The following PRELID2 variants were observed in gnomAD, a reference collection of about 807,000 sequenced individuals.
PRELID2 encodes the protein PRELI domain-containing protein 2.
A neutral mutation model predicts 28.4 loss-of-function variants in PRELID2; 25 were observed. The ratio of observed to expected loss-of-function variants is 0.88; its 90% CI spans 0.64 to 1.23. The LOEUF (loss-of-function observed/expected upper bound fraction) is 1.23. Ranked by LOEUF, PRELID2 falls within the 50% of genes most tolerant of loss-of-function variation. The pLI is 0.00. For synonymous variants in PRELID2, 76 were observed against 71.6 expected (o/e 1.06, Z -0.31); for missense variants, 201 against 214.4 (o/e 0.94, Z 0.39).
intron 1 of PRELID2, among the ~76,000 whole-genome samples, chr5:145,495,471 G>C (rs1207402736): frequency 6.6e-6 from 1 of 152,128 alleles, no homozygotes; most frequent in Non-Finnish European, 1.5e-5. Flanking sequence ...TCTCATCTTG[G>C]CATTAAATAA....
chr5:145,769,661 T>C (rs929564769), intron 5 of PRELID2, among the ~76,000 whole-genome samples: 6 of 152,100 alleles, frequency 3.9e-5, no homozygotes, highest in African/African-American at 1.4e-4. Flanking sequence ...CAATTATCAG[T>C]GATAAAAGAT....
At chr5:145,350,165 A>G in the PRELID2 span, among the ~76,000 whole-genome samples, 1 of 152,220 alleles carries the variant, frequency 6.6e-6, no homozygotes, top group Admixed American at 6.5e-5. Context: ...ATGTGCATCA[A>G]ATAAGATAAA....
chr5:145,374,835 T>A, the PRELID2 span, among the ~76,000 whole-genome samples: 3 of 152,172 alleles, frequency 2.0e-5, no homozygotes. Flanking sequence ...CTCCATCAGG[T>A]CATTTATGTT....
intron 1 of PRELID2, among the ~76,000 whole-genome samples, chr5:145,742,322 A>C (rs1240674338): frequency 1.4e-5 from 1 of 71,842 alleles, no homozygotes; most frequent in East Asian, 6.5e-4. Flanking sequence ...AAATAAAAAT[A>C]GATATATTTT....
At chr5:145,743,925 C>T (rs546560297) in intron 1 of PRELID2, among the ~76,000 whole-genome samples, 2 of 152,250 alleles carry the variant, frequency 1.3e-5, no homozygotes, top group South Asian at 2.1e-4. Flanking sequence ...ACACGCTAAG[C>T]TCCCTGGGCC....
the PRELID2 span, among the ~76,000 whole-genome samples, chr5:145,351,712 T>C: frequency 1.2e-4 from 19 of 152,184 alleles, no homozygotes; most frequent in Non-Finnish European, 2.4e-4. Context: ...AGGTCTCATC[T>C]GAGGCAAGAC....
chr5:145,240,788 T>A, the PRELID2 span, among the ~76,000 whole-genome samples: 11 of 152,046 alleles, frequency 7.2e-5, no homozygotes, highest in Non-Finnish European at 1.2e-4. Flanking sequence ...GGTGTTATGA[T>A]CTTATAAGCT....
intron 4 of PRELID2, among the ~76,000 whole-genome samples, chr5:145,806,429 A>G (rs1054849952): frequency 3.9e-5 from 6 of 152,204 alleles, no homozygotes; most frequent in Admixed American, 6.5e-5. Context: ...CCCACTGGAA[A>G]GTCTTCAGGG....
the PRELID2 span, among the ~76,000 whole-genome samples, chr5:145,314,604 GAAC>G: frequency 6.6e-6 from 1 of 151,342 alleles, no homozygotes; most frequent in African/African-American, 2.4e-5. Context: ...TTAAAATACA[GAAC>G]AATATAAATA....
At chr5:145,353,091 G>A in the PRELID2 span, among the ~76,000 whole-genome samples, 1 of 151,978 alleles carries the variant, frequency 6.6e-6, no homozygotes, top group East Asian at 1.9e-4. Flanking sequence ...TACATTTTCA[G>A]GCATCTTTAT....
At chr5:145,299,686 TA>T in the PRELID2 span, among the ~76,000 whole-genome samples, 3 of 147,076 alleles carry the variant, frequency 2.0e-5, no homozygotes, top group Non-Finnish European at 3.0e-5. Context: ...TAATATAAAA[TA>T]AGATTTTATG....
intron 6 of PRELID2, among the ~76,000 whole-genome samples, chr5:145,762,451 T>C (rs1170757590): frequency 2.0e-5 from 3 of 151,920 alleles, no homozygotes; most frequent in African/African-American, 7.2e-5. Context: ...GTGTGAGGAT[T>C]GCTTGAACCC....
the PRELID2 span, among the ~76,000 whole-genome samples, chr5:145,295,528 T>C: frequency 6.6e-5 from 10 of 152,032 alleles, no homozygotes; most frequent in Non-Finnish European, 7.4e-5. Flanking sequence ...ATGATCCAAG[T>C]GTTGATATAG....
At chr5:145,399,894 C>G in the PRELID2 span, among the ~76,000 whole-genome samples, 3 of 152,144 alleles carry the variant, frequency 2.0e-5, no homozygotes, top group African/African-American at 7.2e-5. Context: ...CCTCATGAGA[C>G]TTTTTCACTG....
intron 1 of PRELID2, among the ~76,000 whole-genome samples, chr5:145,678,541 TAA>T (rs1456693804): frequency 6.6e-6 from 1 of 152,202 alleles, no homozygotes; most frequent in Admixed American, 6.5e-5. Flanking sequence ...GCTAAATATG[TAA>T]GTCATTCAGT....
chr5:145,542,739 A>T (rs1314211821), intron 1 of PRELID2, among the ~76,000 whole-genome samples: 1 of 135,470 alleles, frequency 7.4e-6, no homozygotes, highest in African/African-American at 2.7e-5. Flanking sequence ...AATGATAAAT[A>T]TACATTGTAA....
chr5:145,319,471 C>T, the PRELID2 span, among the ~76,000 whole-genome samples: 1 of 151,982 alleles, frequency 6.6e-6, no homozygotes, highest in Admixed American at 6.6e-5. Context: ...GAGTTTGAGA[C>T]CAGCCTGGCC....
chr5:145,564,548 AG>A (rs1191803996), intron 1 of PRELID2, among the ~76,000 whole-genome samples: 1 of 152,198 alleles, frequency 6.6e-6, no homozygotes, highest in African/African-American at 2.4e-5. Context: ...CTTTCATCAA[AG>A]CAGAACCCTC....
chr5:145,555,808 A>G (rs1175460991), intron 1 of PRELID2, among the ~76,000 whole-genome samples: 1 of 152,176 alleles, frequency 6.6e-6, no homozygotes, highest in African/African-American at 2.4e-5. Context: ...AGCCAGGGAA[A>G]AAGGTCTTAG....
Sources: gnomAD v4.1 joint callset for allele counts (sites outside exome capture counted in the v4.1 genomes callset) on GRCh38, gnomAD v4.1.1 for gene constraint, MANE v1.5 for transcripts, NCBI Gene and HGNC (gene_info 2026-07-23, HGNC 2026-07-21) for gene names.